TMEM260: variants seen among roughly 807,000 people sequenced by gnomAD.
The protein encoded by TMEM260 is transmembrane protein 260, also known as protein O-mannosyl-transferase TMEM260.
Under a neutral mutation model 88.9 loss-of-function variants are expected in TMEM260, and 82 were observed. The observed-to-expected ratio is 0.92, with a 90% CI of 0.77 to 1.11. The LOEUF is 1.11. Ranked by LOEUF, TMEM260 falls within the 50% of genes least tolerant of loss-of-function variation. TMEM260 has a pLI of 0.00. For missense variants in TMEM260, 902 were observed against 853.4 expected (o/e 1.06, Z -0.71); for synonymous variants, 314 against 309.3 (o/e 1.02, Z -0.16).
chr14:56,623,443 A>C (rs775643557), intron 11 of TMEM260, among the ~76,000 whole-genome samples: 8 of 152,096 alleles, frequency 5.3e-5, no homozygotes, highest in Non-Finnish European at 1.0e-4. Flanking sequence ...GAAGCCCCCC[A>C]GCAGACCTCC....
downstream of TMEM260, among the ~76,000 whole-genome samples, chr14:56,650,927 G>T (rs573035767): frequency 7.2e-5 from 11 of 152,206 alleles, no homozygotes; most frequent in South Asian, 1.9e-3. Context: ...TTTTATAAAT[G>T]CATCAACACA....
intron 12 of TMEM260, among the ~76,000 whole-genome samples, chr14:56,631,882 T>A (rs1888633352): frequency 6.6e-6 from 1 of 152,162 alleles, no homozygotes; most frequent in Non-Finnish European, 1.5e-5. Flanking sequence ...GACCAGTTAC[T>A]ATTTTAGAGA....
chr14:56,600,598 A>G (rs1218668747), intron 3 of TMEM260, among the ~76,000 whole-genome samples: 1 of 152,220 alleles, frequency 6.6e-6, no homozygotes, highest in Non-Finnish European at 1.5e-5. Flanking sequence ...AGCATTAGCC[A>G]TTAGGAAAAT....
At chr14:56,629,953 A>ATTGT (rs1428496756) in intron 12 of TMEM260, among the ~76,000 whole-genome samples, 5 of 152,076 alleles carry the variant, frequency 3.3e-5, no homozygotes, top group South Asian at 2.1e-4. Flanking sequence ...AGGTGGGAAG[A>ATTGT]TTGTTTGAAT....
At chr14:56,585,628 A>T (rs1227356745) in intron 2 of TMEM260, 133 bp from the exon 3 acceptor site, 11 of 805,158 alleles carry the variant, frequency 1.4e-5, no homozygotes, top group Non-Finnish European at 2.0e-5. Flanking sequence ...ATAGAAAACC[A>T]CTATTCAAAC....
intron 1 of TMEM260, among the ~76,000 whole-genome samples, chr14:56,582,926 C>G (rs1028350513): frequency 2.3e-5 from 3 of 131,022 alleles, no homozygotes; most frequent in African/African-American, 7.3e-5. Flanking sequence ...AAGTTTGTCA[C>G]ATTCCAGATT....
At chr14:56,642,939 T>A (rs1889705475) in intron 15 of TMEM260, among the ~76,000 whole-genome samples, 1 of 152,150 alleles carries the variant, frequency 6.6e-6, no homozygotes, top group South Asian at 2.1e-4. Context: ...CCTGGAGACA[T>A]ACACGCTCCC....
the TMEM260 span, among the ~76,000 whole-genome samples, chr14:56,659,344 G>A: frequency 1.0e-4 from 15 of 150,584 alleles, 1 homozygote; most frequent in East Asian, 2.9e-3. Flanking sequence ...TACTGCTTTA[G>A]GCCTCAAGAC....
intron 10 of TMEM260, among the ~76,000 whole-genome samples, chr14:56,619,823 A>C (rs1887804282): frequency 6.6e-6 from 1 of 152,236 alleles, no homozygotes; most frequent in African/African-American, 2.4e-5. Flanking sequence ...TTCTAACATA[A>C]AGACACATGC....
intron 12 of TMEM260, among the ~76,000 whole-genome samples, chr14:56,627,945 T>A (rs530022200): frequency 6.6e-6 from 1 of 152,328 alleles, no homozygotes; most frequent in African/African-American, 2.4e-5. Flanking sequence ...CAACCACTGA[T>A]CTGTTCTTCA....
intron 3 of TMEM260, among the ~76,000 whole-genome samples, chr14:56,592,122 A>G (rs532280645): frequency 1.7e-4 from 26 of 152,320 alleles, no homozygotes; most frequent in East Asian, 5.8e-4. Context: ...AATTCTGGGT[A>G]AAACAGTTCT....
chr14:56,633,208 T>C (rs1468563499), intron 13 of TMEM260, 37 bp downstream of exon 13: 3 of 1,527,452 alleles, frequency 2.0e-6, no homozygotes, highest in South Asian at 1.3e-5. Flanking sequence ...CATATAAACA[T>C]AGCAGTTTTG....
At chr14:56,581,621 A>C (rs1885140802) in intron 1 of TMEM260, among the ~76,000 whole-genome samples, 1 of 152,244 alleles carries the variant, frequency 6.6e-6, no homozygotes, top group African/African-American at 2.4e-5. Context: ...TTTGTTGGGC[A>C]CTTACTATGT....
At chr14:56,611,695 C>T (rs1887285710) in intron 6 of TMEM260, among the ~76,000 whole-genome samples, 1 of 152,132 alleles carries the variant, frequency 6.6e-6, no homozygotes, top group Non-Finnish European at 1.5e-5. Flanking sequence ...TGGCTGTATA[C>T]CCAAAGGGAT....
rs1335442876 is a variant in TMEM260, at chr14:56,595,291, T to G, written c.345-8524T>G. On this transcript the variant is annotated intron_variant, in intron 3 of 15. Coordinates refer to ENST00000261556, the MANE Select transcript of TMEM260 (RefSeq NM_017799.4). Reference sequence around the variant, plus strand: ...AAAGCCTTCTGCACGTTCAACTTTTTTTTTCTAGCTCCAATATGTAGTGTC... The same window carrying G: ...AAAGCCTTCTGCACGTTCAACTTTTGTTTTCTAGCTCCAATATGTAGTGTC... 2.6e-5 allele frequency among the ~76,000 whole-genome samples: 4 copies of G among 152,184 alleles called. No individual in the cohort carries two copies. The East Asian group carries it at 7.7e-4, about 29-fold the overall frequency.
chr14:56,630,200 G>A (rs1888498570), intron 12 of TMEM260, among the ~76,000 whole-genome samples: 1 of 152,050 alleles, frequency 6.6e-6, no homozygotes, highest in Non-Finnish European at 1.5e-5. Flanking sequence ...TTAGTTTTCA[G>A]CAGTTTGATT....
chr14:56,651,997 C>G (rs750054696), downstream of TMEM260, among the ~76,000 whole-genome samples: 1 of 152,202 alleles, frequency 6.6e-6, no homozygotes, highest in African/African-American at 2.4e-5. Context: ...TGATATTTCT[C>G]TCAGCTAAAT....
downstream of TMEM260, among the ~76,000 whole-genome samples, chr14:56,651,613 A>AG (rs1890208128): frequency 6.6e-6 from 1 of 152,222 alleles, no homozygotes; most frequent in Admixed American, 6.5e-5. Context: ...TACAATATAA[A>AG]GGTCAAGACA....
intron 4 of TMEM260, 147 bp from the exon 5 acceptor site, chr14:56,605,423 T>C (rs1366538235): frequency 2.9e-5 from 12 of 418,412 alleles, no homozygotes; most frequent in Non-Finnish European, 4.2e-6. Context: ...TATGAATGAT[T>C]ATTAAAATAA....
Sources: allele counts gnomAD v4.1 joint callset (sites outside exome capture counted in the v4.1 genomes callset), GRCh38; gene constraint gnomAD v4.1.1; transcripts MANE v1.5; gene names NCBI Gene and HGNC (gene_info 2026-07-23, HGNC 2026-07-21).